The following IL5RA variants were observed in gnomAD, a reference collection of about 807,000 sequenced individuals.
IL5RA encodes interleukin-5 receptor subunit alpha.
Under a neutral mutation model 50.0 loss-of-function variants are expected in IL5RA, and 49 were observed. The observed-to-expected ratio is 0.98, with a 90% CI of 0.78 to 1.24. IL5RA has a LOEUF of 1.24. Among genes scored for constraint, IL5RA ranks in the 50% most tolerant of loss-of-function variants. The probability of loss-of-function intolerance (pLI) is 0.00; values close to 1 mark genes in which losing one functional copy is unlikely to be tolerated. For missense variants in IL5RA, 600 were observed against 500.4 expected (o/e 1.20, Z -1.90); for synonymous variants, 202 against 174.0 (o/e 1.16, Z -1.26).
chr3:3,085,745 TA>T (rs1379331881), intron 9 of IL5RA, among the ~76,000 whole-genome samples: 3 of 152,156 alleles, frequency 2.0e-5, no homozygotes, highest in African/African-American at 7.2e-5. Flanking sequence ...GCCACCCTGA[TA>T]CCCTACCTCA....
In IL5RA at chr3:3,101,844, C is replaced by T. The variant is rs1703668415; in HGVS notation, c.229-14G>A. 2.5e-6 allele frequency: 4 copies of T among 1,611,014 alleles called. No homozygotes were observed. The African/African-American group carries it at 4.0e-5, about 16-fold the overall frequency. On this transcript the variant is annotated splice_polypyrimidine_tract_variant and intron_variant, in intron 4 of 11. Transcript: ENST00000446632. The stretch of plus-strand genomic sequence containing the variant: ...TCTGGTTTCATACTAAAAATAAAAC[C>T]CACAAGTCATGATACATAAAAGAGA...
intron 9 of IL5RA, among the ~76,000 whole-genome samples, chr3:3,077,802 C>G (rs1702538698): frequency 6.6e-6 from 1 of 152,082 alleles, no homozygotes; most frequent in Admixed American, 6.6e-5. Flanking sequence ...AAAAGAAAAA[C>G]TCAAGACCAT....
intron 3 of IL5RA, among the ~76,000 whole-genome samples, chr3:3,104,348 T>A (rs1270691476): frequency 2.0e-5 from 3 of 152,148 alleles, no homozygotes; most frequent in Non-Finnish European, 4.4e-5. Flanking sequence ...CTAAACTAAT[T>A]TAAATTCATT....
chr3:3,084,806 T>C (rs965393183), intron 9 of IL5RA, among the ~76,000 whole-genome samples: 1 of 152,254 alleles, frequency 6.6e-6, no homozygotes, highest in Non-Finnish European at 1.5e-5. Context: ...TTTTCTCACC[T>C]GTGTGATTAG....
At chr3:3,096,194 C>CATGGT (rs71058672) in intron 7 of IL5RA, among the ~76,000 whole-genome samples, 2 of 151,696 alleles carry the variant, frequency 1.3e-5, no homozygotes, top group Non-Finnish European at 2.9e-5. Context: ...AGGAGAATGG[C>CATGGT]GTGAACCCAG....
In IL5RA at chr3:3,068,771, C is replaced by T. The variant is rs1702206166; in HGVS notation, c.*1454G>A. On this transcript the variant is annotated 3_prime_UTR_variant, in exon 12 of 12. Transcript: ENST00000446632. ...TGCACATTTCTGGGGTCACTTTTAC[C>T]TGAGCCTGGTATTCAACTCCTCACT... The T allele has an allele frequency of 6.6e-6, 1 of 152,110 alleles. No individual in the cohort carries two copies. Among genetic ancestry groups the T allele is most frequent in the African/African-American group, 2.4e-5 (1 of 41,362 alleles). 9.4% of individuals were successfully genotyped at this position (152,110 alleles called of 1,614,324 possible).
At chr3:3,090,271 G>C (rs773901279) in intron 9 of IL5RA, 1 of 1,545,954 alleles carries the variant, frequency 6.5e-7, no homozygotes, top group South Asian at 1.2e-5. Flanking sequence ...GAAACAGAGA[G>C]AAATTATTTG....
chr3:3,097,245 C>T (rs529722814), intron 7 of IL5RA, among the ~76,000 whole-genome samples: 29 of 152,284 alleles, frequency 1.9e-4, no homozygotes, highest in Non-Finnish European at 3.5e-4. Context: ...GATATTCGAG[C>T]TGCAGAACAT....
chr3:3,070,362 T>C (rs770748610), intron 11 of IL5RA, 51 bp from the exon 12 acceptor site: 1 of 1,099,202 alleles, frequency 9.1e-7, no homozygotes, highest in Non-Finnish European at 1.4e-6. Flanking sequence ...ACTTTTGGGT[T>C]CTTTGAAATC....
chr3:3,107,684 T>A (rs539126413), intron 2 of IL5RA, among the ~76,000 whole-genome samples: 1 of 152,212 alleles, frequency 6.6e-6, no homozygotes, highest in Non-Finnish European at 1.5e-5. Context: ...CATGATCTCA[T>A]GATCTACTTG....
chr3:3,072,664 A>T (rs1457277457), intron 11 of IL5RA, among the ~76,000 whole-genome samples: 2 of 152,198 alleles, frequency 1.3e-5, no homozygotes, highest in Non-Finnish European at 2.9e-5. Context: ...TCATGCCTGT[A>T]ATCCCAGCAC....
chr3:3,097,850 T>C lies in IL5RA; in HGVS notation c.709+20A>G, dbSNP rs564735853. The stretch of plus-strand genomic sequence containing the variant: ...ATTCCGAGATTCAGTTATTTCAGCT[T>C]TGGGTTAAGTCGGTCTTACCAATGG... On this transcript the variant is annotated intron_variant, in intron 7 of 11. Transcript: ENST00000446632. 1.5e-5 allele frequency: 24 copies of C among 1,597,718 alleles called. No homozygotes were observed. The Admixed American group carries it at 2.6e-4, about 17-fold the overall frequency.
In IL5RA at chr3:3,087,396, C is replaced by T. The variant is rs557768082; in HGVS notation, c.994+4828G>A. ...CTTACCAACAGAGCTGGACAGCACC[C>T]CCAGCCTCTCCCAGCTCACCTTATC... On this transcript the variant is annotated intron_variant, in intron 9 of 11. Coordinates refer to ENST00000446632, the MANE Select transcript of IL5RA (RefSeq NM_175726.4). Among the ~76,000 whole-genome samples the T allele has an allele frequency of 2.6e-5, 4 of 152,264 alleles. No individual in the cohort carries two copies. The East Asian group carries it at 5.8e-4, about 22-fold the overall frequency.
intron 5 of IL5RA, among the ~76,000 whole-genome samples, chr3:3,098,990 C>A (rs1703500306): frequency 6.6e-6 from 1 of 152,164 alleles, no homozygotes; most frequent in South Asian, 2.1e-4. Flanking sequence ...GTGTTTTCAA[C>A]TGTAAAGGAG....
At chr3:3,073,214 T>C (rs1028118330) in intron 11 of IL5RA, among the ~76,000 whole-genome samples, 2 of 152,222 alleles carry the variant, frequency 1.3e-5, no homozygotes, top group African/African-American at 2.4e-5. Context: ...TCACCACTTA[T>C]TGAAATTAAT....
intron 9 of IL5RA, among the ~76,000 whole-genome samples, chr3:3,084,938 C>G (rs1199494381): frequency 2.0e-5 from 3 of 152,252 alleles, no homozygotes; most frequent in African/African-American, 4.8e-5. Context: ...GAATGTATGC[C>G]TAGAAGGGTG....
intron 3 of IL5RA, among the ~76,000 whole-genome samples, chr3:3,104,024 T>C (rs569853379): frequency 6.6e-6 from 1 of 152,338 alleles, no homozygotes; most frequent in East Asian, 1.9e-4. Flanking sequence ...CTTGTGGCTA[T>C]TGAAATTTTA....
At position 3,069,228 on chromosome 3, in the gene IL5RA, G is replaced by A. The variant is rs1419996123; in HGVS notation, c.*997C>T. 3 of 152,240 alleles carry A rather than the reference G, an allele frequency of 2.0e-5. No homozygotes were observed. Among genetic ancestry groups the A allele is most frequent in the African/African-American group, 4.8e-5 (2 of 41,426 alleles). The allele number at this position is 152,240 out of a possible 1,614,324, so 9.4% of individuals were successfully genotyped here. A position where few individuals can be genotyped will look rare whatever the true frequency, so the allele number is the denominator to read the frequency against. On this transcript the variant is annotated 3_prime_UTR_variant, in exon 12 of 12. Coordinates refer to ENST00000446632, the MANE Select transcript of IL5RA (RefSeq NM_175726.4). ...CTGCAGTCCACCACCCACCACAAAG[G>A]CCTCCAATCTGGATGCAGACTCATA...
Position 3,108,605 on chromosome 3 carries a change from C to T in IL5RA, c.-59G>A, listed in dbSNP as rs1046334464. On this transcript the variant is annotated 5_prime_UTR_variant, in exon 2 of 12. Transcript: ENST00000446632. Reference sequence around the variant, plus strand: ...AGTACTCAACAGAAGATGGCGAGGACCGTGTCTGTCGTGTCTATGCTCGTG... The same window carrying T: ...AGTACTCAACAGAAGATGGCGAGGATCGTGTCTGTCGTGTCTATGCTCGTG... 3 of 152,240 alleles carry T rather than the reference C, an allele frequency of 2.0e-5. No homozygotes were observed. Among genetic ancestry groups the T allele is most frequent in the African/African-American group, 7.2e-5 (3 of 41,454 alleles). 9.4% of individuals were successfully genotyped at this position (152,240 alleles called of 1,614,324 possible).
Sources: allele counts gnomAD v4.1 joint callset (sites outside exome capture counted in the v4.1 genomes callset), GRCh38; gene constraint gnomAD v4.1.1; transcripts MANE v1.5; gene names NCBI Gene and HGNC (gene_info 2026-07-23, HGNC 2026-07-21).